Variants in BDH1 observed in about 807,000 individuals in gnomAD.
BDH1 encodes 3-hydroxybutyrate dehydrogenase 1, also known as D-beta-hydroxybutyrate dehydrogenase, mitochondrial.
A neutral mutation model predicts 33.1 loss-of-function variants in BDH1; 30 were observed. The ratio of observed to expected loss-of-function variants is 0.91; its 90% confidence interval spans 0.68 to 1.23. The LOEUF (loss-of-function observed/expected upper bound fraction) is 1.23, where lower values mean the gene tolerates loss of function less well. Ranked by LOEUF, BDH1 falls within the 50% of genes most tolerant of loss-of-function variation. The pLI is 0.00. For missense variants in BDH1, 443 were observed against 464.4 expected, an observed-to-expected ratio of 0.95 and a Z score of 0.42; for synonymous variants, 190 against 183.6, an observed-to-expected ratio of 1.03 and a Z score of -0.28.
At chr3:197,543,339 T>A in intron 3 of BDH1, 1 of 279,608 alleles carries the variant, frequency 3.6e-6, no homozygotes, top group Non-Finnish European at 5.4e-6. Flanking sequence ...GGAAAGAAAC[T>A]AGGATAGGGG....
chr3:197,538,702 A>G (rs531945685), intron 3 of BDH1: 1 of 169,192 alleles, frequency 5.9e-6, no homozygotes, highest in South Asian at 1.4e-4. Flanking sequence ...CAACATATTA[A>G]GCTTTTAAAA....
intron 3 of BDH1, among the ~76,000 whole-genome samples, chr3:197,544,781 G>A (rs946621863): frequency 3.3e-5 from 5 of 152,224 alleles, no homozygotes; most frequent in Non-Finnish European, 5.9e-5. Context: ...AAGCCGGGCC[G>A]GGCGTGGTGA....
intron 3 of BDH1, among the ~76,000 whole-genome samples, chr3:197,535,798 G>A (rs1024137443): frequency 6.3e-4 from 96 of 152,168 alleles, no homozygotes; most frequent in African/African-American, 2.2e-3. Context: ...TAATCCCAGC[G>A]CTTTGGGAGG....
rs1055733713 is a variant in BDH1, at chr3:197,514,629, T to G, written c.410-213A>C. On this transcript the variant is annotated intron_variant, in intron 6 of 7. Coordinates refer to ENST00000392379, the MANE Select transcript of BDH1 (RefSeq NM_203314.3). This position sits in a 1 kb window ranked among gnomAD's most constrained non-coding sequence, Gnocchi z 4.2. ...GCAGCCCTCCCTTGCGTCTAGAATGTCCAGTCCTCACGTCACATCTGCCTG... is the reference window on the plus strand; with the variant it reads ...GCAGCCCTCCCTTGCGTCTAGAATGGCCAGTCCTCACGTCACATCTGCCTG... 1.3e-5 allele frequency among the ~76,000 whole-genome samples: 2 copies of G among 152,108 alleles called. No individual in the cohort carries two copies. The highest frequency in any genetic ancestry group is 4.8e-5 in the African/African-American group (2 of 41,422).
intron 1 of BDH1, among the ~76,000 whole-genome samples, chr3:197,566,166 G>A (rs1222936380): frequency 2.5e-4 from 38 of 152,198 alleles, no homozygotes; most frequent in Admixed American, 2.5e-3. Flanking sequence ...TGACAATACA[G>A]TTATTTGCAT....
At chr3:197,533,152 C>T (rs529523829) in intron 4 of BDH1, among the ~76,000 whole-genome samples, 24 of 152,320 alleles carry the variant, frequency 1.6e-4, no homozygotes, top group East Asian at 3.9e-4. Context: ...GCTGGGATTA[C>T]AGGCGGGAGC....
At chr3:197,550,425 G>T (rs1326016311) in intron 2 of BDH1, among the ~76,000 whole-genome samples, 1 of 152,180 alleles carries the variant, frequency 6.6e-6, no homozygotes, top group Non-Finnish European at 1.5e-5. Context: ...CCTTTCGGGG[G>T]TCTGTCCTGC....
At chr3:197,564,761 A>T (rs1717377904) in intron 1 of BDH1, among the ~76,000 whole-genome samples, 1 of 152,230 alleles carries the variant, frequency 6.6e-6, no homozygotes, top group Non-Finnish European at 1.5e-5. Context: ...ATGTCAAATT[A>T]ACAAGGTTTT....
At position 197,522,124 on chromosome 3, in the gene BDH1, C is replaced by T. The variant is rs1233597041; in HGVS notation, c.409+516G>A. ...GCTCCTCGAAGCTGTGGTTCCTGCT[C>T]TCCCCTCCTCTTGGAACAACCATAT... On this transcript the variant is annotated intron_variant, in intron 6 of 7. Coordinates refer to ENST00000392379, the MANE Select transcript of BDH1 (RefSeq NM_203314.3). This position sits in a 1 kb window ranked among gnomAD's most constrained non-coding sequence, Gnocchi z 4.8. Among the ~76,000 whole-genome samples the T allele has an allele frequency of 6.6e-6, 1 of 152,220 alleles. No homozygotes were observed. The highest frequency in any genetic ancestry group is 2.4e-5 in the African/African-American group (1 of 41,462).
At chr3:197,571,146 A>G (rs1717593397) in intron 1 of BDH1, among the ~76,000 whole-genome samples, 1 of 152,048 alleles carries the variant, frequency 6.6e-6, no homozygotes, top group South Asian at 2.1e-4. Context: ...CTTCGTTTTG[A>G]CCCATTTCTC....
In BDH1 at chr3:197,523,003, T is replaced by G. The variant is rs58588679; in HGVS notation, c.268-222A>C. The G allele has an allele frequency of 8.1e-4, 426 of 526,510 alleles. 5 individuals carry two copies. Among genetic ancestry groups the G allele is most frequent in the African/African-American group, 7.8e-3 (406 of 52,062 alleles). 32.6% of individuals were successfully genotyped at this position (526,510 alleles called of 1,614,324 possible). A position where few individuals can be genotyped will look rare whatever the true frequency, so the allele number is the denominator to read the frequency against. ...TATGTGCCACAGACACAACCATGAA[T>G]AGGATGAAGAGCCGGCCCCCAAGGC... is the stretch of plus-strand genomic sequence containing the variant. On this transcript the variant is annotated intron_variant, in intron 5 of 7. Transcript: ENST00000392379. This position sits in a 1 kb window ranked among gnomAD's most constrained non-coding sequence, Gnocchi z 4.5.
At chr3:197,547,788 C>T (rs901605665) in intron 2 of BDH1, among the ~76,000 whole-genome samples, 1 of 152,230 alleles carries the variant, frequency 6.6e-6, no homozygotes, top group African/African-American at 2.4e-5. Context: ...TCGCAGCCAC[C>T]ACTGACTCCA....
At chr3:197,519,040 G>T (rs62282546) in intron 6 of BDH1, among the ~76,000 whole-genome samples, 3 of 68,860 alleles carry the variant, frequency 4.4e-5, no homozygotes, top group East Asian at 4.7e-4. Context: ...TCCATCCCCC[G>T]CTCAGGCACC....
chr3:197,568,246 C>T (rs1431440423), intron 1 of BDH1, among the ~76,000 whole-genome samples: 1 of 151,580 alleles, frequency 6.6e-6, no homozygotes, highest in African/African-American at 2.4e-5. Context: ...ACCCCACAGT[C>T]TTCTGTTTGT....
intron 3 of BDH1, among the ~76,000 whole-genome samples, chr3:197,536,839 G>A (rs541878081): frequency 4.8e-4 from 73 of 152,224 alleles, no homozygotes; most frequent in African/African-American, 1.5e-3. Flanking sequence ...GTGAAACTCC[G>A]TCTCAAAAAA....
rs61745571 is a variant in BDH1 at position 197,514,391 on chromosome 3, G to C, written c.435C>G (p.Ala145=). Residue 145 remains alanine, a synonymous_variant, in exon 7 of 8, where the codon GCC becomes GCG. Transcript: ENST00000392379. This position sits in a 1 kb window ranked among gnomAD's most constrained non-coding sequence, Gnocchi z 4.2. ...EKGMWGLVNN[A]GISTFGEVEF... is the part of the protein sequence containing the mutation. The stretch of plus-strand genomic sequence containing the variant: ...CCACCTCCCCGAACGTTGAGATGCC[G>C]GCATTGTTAACGAGGCCCCACATGC... 7 of 1,611,212 alleles carry C rather than the reference G, an allele frequency of 4.3e-6. No individual in the cohort carries two copies. In the East Asian group the frequency reaches 1.6e-4, roughly 36 times the overall value.
chr3:197,558,815 T>G (rs1269314277), upstream of BDH1, among the ~76,000 whole-genome samples: 1 of 152,148 alleles, frequency 6.6e-6, no homozygotes, highest in Non-Finnish European at 1.5e-5. Flanking sequence ...AAGCTGTTTT[T>G]GAAGCCTTGT....
At position 197,514,420 on chromosome 3, in the gene BDH1, G is replaced by A. The variant is rs1380552422; in HGVS notation, c.410-4C>T. 1 of 1,600,160 alleles carries A rather than the reference G, an allele frequency of 6.2e-7. No homozygotes were observed. The highest frequency in any genetic ancestry group is 1.1e-5 in the South Asian group (1 of 88,582). ...TTGTTAACGAGGCCCCACATGCCTG[G>A]ACAGGAGAGGGATAGATGTGCATTT... On this transcript the variant is annotated splice_region_variant and splice_polypyrimidine_tract_variant and intron_variant, in intron 6 of 7. Transcript: ENST00000392379. The surrounding 1 kb of genome is among the most constrained non-coding windows in gnomAD (Gnocchi z 4.2).
intron 7 of BDH1, 56 bp from the exon 8 acceptor site, chr3:197,512,420 GC>G: frequency 6.6e-7 from 1 of 1,526,572 alleles, no homozygotes; most frequent in Non-Finnish European, 8.8e-7. Context: ...GACACAGCGG[GC>G]AGAAGTCTGG....
Sources: gnomAD v4.1 joint callset for allele counts (sites outside exome capture counted in the v4.1 genomes callset) on GRCh38, gnomAD v4.1.1 for gene constraint, Gnocchi (gnomAD v3.1) non-coding constraint, MANE v1.5 for transcripts, NCBI Gene and HGNC (gene_info 2026-07-23, HGNC 2026-07-21) for gene names.